TRRAP: variants seen among roughly 807,000 people sequenced by gnomAD.
The protein encoded by TRRAP is transformation/transcription domain associated protein.
A neutral mutation model predicts 438.8 loss-of-function variants in TRRAP; 41 were observed. That is an observed-to-expected ratio of 0.09 (90% CI 0.07 to 0.12). The LOEUF is 0.12. Ranked by LOEUF, TRRAP falls within the 10% of genes least tolerant of loss-of-function variation. The probability of loss-of-function intolerance (pLI) is 1.00; values close to 1 mark genes in which losing one functional copy is unlikely to be tolerated. For missense variants in TRRAP, 3,122 were observed against 5,055.1 expected, an observed-to-expected ratio of 0.62 and a Z score of 11.60; for synonymous variants, 1,994 against 1,962.9, an observed-to-expected ratio of 1.02 and a Z score of -0.42.
Position 98,973,083 on chromosome 7 carries a change from G to A in TRRAP, c.7839+1138G>A, listed in dbSNP as rs1435968203. 2.0e-5 allele frequency among the ~76,000 whole-genome samples: 3 copies of A among 152,154 alleles called. No homozygotes were observed. The East Asian group carries it at 5.8e-4, about 29-fold the overall frequency. On this transcript the variant is annotated intron_variant, in intron 53 of 72. Coordinates refer to ENST00000456197, the MANE Select transcript of TRRAP (RefSeq NM_001375524.1). Reference sequence around the variant, plus strand: ...CAACCTCCATCTCCCAGGTTCTAGCGATTCTCCTGCCTCAGCCTCCTGAGT... The same window carrying A: ...CAACCTCCATCTCCCAGGTTCTAGCAATTCTCCTGCCTCAGCCTCCTGAGT...
chr7:98,935,752 C>T, intron 28 of TRRAP, 77 bp downstream of exon 28: 2 of 1,195,018 alleles, frequency 1.7e-6, no homozygotes, highest in African/African-American at 1.5e-5. Flanking sequence ...AAAAAAGTGG[C>T]CTTTTGTTGT....
chr7:98,900,770 A>G, intron 11 of TRRAP, 50 bp downstream of exon 11: 9 of 1,514,384 alleles, frequency 5.9e-6, no homozygotes, highest in Non-Finnish European at 7.2e-6. Context: ...TTTACATACA[A>G]TAAAATTCAC....
intron 29 of TRRAP, 79 bp from the exon 30 acceptor site, chr7:98,937,571 A>G (rs1261279169): frequency 1.4e-5 from 20 of 1,411,946 alleles, no homozygotes; most frequent in Non-Finnish European, 1.8e-5. Flanking sequence ...ACTTGCAGCT[A>G]AGGTTGAAGA....
At chr7:98,882,494 C>G (rs1240061042) in intron 3 of TRRAP, among the ~76,000 whole-genome samples, 3 of 150,764 alleles carry the variant, frequency 2.0e-5, no homozygotes, top group African/African-American at 7.3e-5. Context: ...TTCAGGGTAG[C>G]TGAGACTATA....
At chr7:98,967,758 C>A in intron 51 of TRRAP, 60 bp downstream of exon 51, 1 of 1,513,542 alleles carries the variant, frequency 6.6e-7, no homozygotes, top group Non-Finnish European at 9.0e-7. Context: ...TGAGTTGGGG[C>A]TCCAAAGCCA....
intron 62 of TRRAP, 131 bp from the exon 63 acceptor site, chr7:98,988,634 G>T: frequency 9.6e-7 from 1 of 1,046,770 alleles, no homozygotes; most frequent in Non-Finnish European, 1.4e-6. Flanking sequence ...GACTGCTTAT[G>T]GGGCGGTTGC....
In TRRAP at chr7:98,994,015, C is replaced by T. The variant is rs1035690852; in HGVS notation, c.10047+278C>T. The stretch of plus-strand genomic sequence containing the variant: ...GTCCCTGAGCTCAGTGACCTGAGTG[C>T]CACTGTTAACCAGGTGTGAGCAGGA... On this transcript the variant is annotated intron_variant, in intron 66 of 72. Coordinates refer to ENST00000456197, the MANE Select transcript of TRRAP (RefSeq NM_001375524.1). This position sits in a 1 kb window ranked among gnomAD's most constrained non-coding sequence, Gnocchi z 4.8. Among the ~76,000 whole-genome samples the T allele has an allele frequency of 2.0e-5, 3 of 152,188 alleles. No homozygotes were observed. Among genetic ancestry groups the T allele is most frequent in the Non-Finnish European group, 4.4e-5 (3 of 68,024 alleles).
chr7:98,930,520 G>C, intron 24 of TRRAP, 113 bp from the exon 25 acceptor site: 2 of 1,379,924 alleles, frequency 1.4e-6, no homozygotes, highest in Non-Finnish European at 2.0e-6. Context: ...GGAGGTTGCG[G>C]TGAGCCGAGA....
intron 31 of TRRAP, 104 bp from the exon 32 acceptor site, chr7:98,945,643 A>G: frequency 7.6e-7 from 1 of 1,313,730 alleles, no homozygotes; most frequent in Non-Finnish European, 1.0e-6. Flanking sequence ...TTGTGTCTTT[A>G]CTGTCTTGTT....
Position 98,900,686 on chromosome 7 carries a change from T to G in TRRAP, c.863T>G (p.Leu288Trp). The G allele has an allele frequency of 6.2e-7, 1 of 1,613,708 alleles. No individual in the cohort carries two copies. Among genetic ancestry groups the G allele is most frequent in the Non-Finnish European group, 8.5e-7 (1 of 1,179,962 alleles). Residue 288 changes from leucine (L) to tryptophan (W), a missense_variant, in exon 11 of 73, where the codon TTG becomes TGG. By Grantham distance (61) the Leu-to-Trp change is moderately conservative. Coordinates refer to ENST00000456197, the MANE Select transcript of TRRAP (RefSeq NM_001375524.1). ...TTCATTGCTGCTCAGATTAAAACATTGTCATTTTTAGCTTACATTATCAGG... is the reference window on the plus strand; with the variant it reads ...TTCATTGCTGCTCAGATTAAAACATGGTCATTTTTAGCTTACATTATCAGG... ...ADFIAAQIKT[L>W]SFLAYIIRIY...
intron 3 of TRRAP, 72 bp downstream of exon 3, chr7:98,882,096 C>A: frequency 7.5e-7 from 1 of 1,333,598 alleles, no homozygotes; most frequent in Non-Finnish European, 1.0e-6. Context: ...CCTGCTTTGT[C>A]AGTCTTTTTA....
At position 99,012,093 on chromosome 7, in the gene TRRAP, T is replaced by G. The variant is rs748085741; in HGVS notation, c.11360T>G (p.Val3787Gly). ...CAGGTGGATGGCATTCTGAAAACGG[T>G]TCTCCGGGACGAGATCATTGCTTGG... is the stretch of plus-strand genomic sequence containing the variant. ...NFKVDGILKT[V>G]LRDEIIAWHK... The change falls in exon 73 of 73, where the codon GTT becomes GGT. Residue 3787 changes from valine to glycine, a missense_variant. Val to Gly is a moderately radical substitution (Grantham distance 109, BLOSUM62 -3). Coordinates refer to ENST00000456197, the MANE Select transcript of TRRAP (RefSeq NM_001375524.1). The surrounding 1 kb of genome is among the most constrained non-coding windows in gnomAD (Gnocchi z 5.9). 6.8e-6 allele frequency: 11 copies of G among 1,613,530 alleles called. No homozygotes were observed. The highest frequency in any genetic ancestry group is 9.3e-6 in the Non-Finnish European group (11 of 1,179,626).
intron 65 of TRRAP, among the ~76,000 whole-genome samples, chr7:98,992,845 A>G (rs1194174164): frequency 6.6e-6 from 1 of 152,028 alleles, no homozygotes; most frequent in Non-Finnish European, 1.5e-5. Flanking sequence ...GGTTGGTGAG[A>G]GGCGGTGGAT....
intron 28 of TRRAP, among the ~76,000 whole-genome samples, chr7:98,936,181 G>GGTGAATACCCAATACAAACTTT (rs1554414195): frequency 6.6e-6 from 1 of 152,188 alleles, no homozygotes; most frequent in African/African-American, 2.4e-5. Flanking sequence ...GGGGAGTGAA[G>GGTGAATACCCAATACAAACTTT]GTGAATACCC....
intron 39 of TRRAP, among the ~76,000 whole-genome samples, chr7:98,952,696 A>G (rs1791393783): frequency 6.6e-6 from 1 of 151,864 alleles, no homozygotes; most frequent in Non-Finnish European, 1.5e-5. Context: ...GCTGAAGGGG[A>G]ACGGGGGAAG....
At chr7:98,988,593 C>T (rs1793252902) in intron 62 of TRRAP, among the ~76,000 whole-genome samples, 172 bp from the exon 63 acceptor site, 1 of 152,048 alleles carries the variant, frequency 6.6e-6, no homozygotes, top group Admixed American at 6.6e-5. Flanking sequence ...CTGCAGGTTC[C>T]CAGGGGCTGG....
chr7:98,920,996 C>T (rs782413210), intron 20 of TRRAP, among the ~76,000 whole-genome samples: 16 of 152,180 alleles, frequency 1.1e-4, no homozygotes, highest in South Asian at 4.1e-4. Context: ...TGTGCCACCA[C>T]GCCCAGCTAA....
At chr7:98,882,989 G>T (rs1795528327) in intron 3 of TRRAP, among the ~76,000 whole-genome samples, 3 of 152,208 alleles carry the variant, frequency 2.0e-5, no homozygotes, top group Admixed American at 2.0e-4. Context: ...TTGTGAATTT[G>T]TTATGTTCAG....
intron 21 of TRRAP, among the ~76,000 whole-genome samples, chr7:98,923,641 A>G (rs1441408817): frequency 3.9e-5 from 6 of 152,212 alleles, no homozygotes; most frequent in Non-Finnish European, 8.8e-5. Flanking sequence ...GCAGTTCCGC[A>G]ATACCCTCGA....
Sources: gnomAD v4.1 joint callset for allele counts (sites outside exome capture counted in the v4.1 genomes callset) on GRCh38, gnomAD v4.1.1 for gene constraint, Gnocchi (gnomAD v3.1) non-coding constraint, MANE v1.5 for transcripts, NCBI Gene and HGNC (gene_info 2026-07-23, HGNC 2026-07-21) for gene names.